The following OSBPL3 variants were observed in gnomAD, a reference collection of about 807,000 sequenced individuals.
OSBPL3 encodes the protein oxysterol binding protein like 3.
OSBPL3 carries 65 observed loss-of-function variants against 120.1 expected under a neutral mutation model. That is an observed-to-expected ratio of 0.54 (90% CI 0.44 to 0.67). The LOEUF (loss-of-function observed/expected upper bound fraction) is 0.67. Ranked by LOEUF, OSBPL3 falls within the 30% of genes least tolerant of loss-of-function variation. The probability of loss-of-function intolerance (pLI) is 0.00; values close to 1 mark genes in which losing one functional copy is unlikely to be tolerated. For missense variants in OSBPL3, 1,004 were observed against 1,082.1 expected, an observed-to-expected ratio of 0.93 and a Z score of 1.01; for synonymous variants, 416 against 402.6, an observed-to-expected ratio of 1.03 and a Z score of -0.40.
Position 24,806,835 on chromosome 7 carries a change from C to A in OSBPL3, c.2385G>T (p.Met795Ile). The change falls in exon 21 of 23, where the codon ATG becomes ATT. Residue 795 changes from methionine (M) to isoleucine (I), a missense_variant. Physicochemically the swap from Met to Ile is conservative, Grantham distance 10. Transcript: ENST00000313367. This position sits in a 1 kb window ranked among gnomAD's most constrained non-coding sequence, Gnocchi z 5.2. ...GCAATAAAGACTTTGATGATGGATC[C>A]ATTTCATTTAATTCCAGCGCAAACT... ...FTQFALELNE[M>I]DPSSKSLLPP... 1 of 1,613,634 alleles carries A rather than the reference C, an allele frequency of 6.2e-7. No individual in the cohort carries two copies.
At chr7:24,961,619 C>A (rs990488657) in intron 1 of OSBPL3, among the ~76,000 whole-genome samples, 1 of 152,130 alleles carries the variant, frequency 6.6e-6, no homozygotes, top group African/African-American at 2.4e-5. Context: ...CAGGCCCTCA[C>A]CAGACACCAG....
chr7:24,957,990 A>C (rs1296252500), intron 1 of OSBPL3, among the ~76,000 whole-genome samples: 3 of 152,152 alleles, frequency 2.0e-5, no homozygotes, highest in Non-Finnish European at 4.4e-5. Flanking sequence ...TATATAAGCC[A>C]TTATTTACTT....
chr7:24,832,902 T>A (rs1007567904), intron 15 of OSBPL3, among the ~76,000 whole-genome samples: 3 of 152,206 alleles, frequency 2.0e-5, no homozygotes, highest in African/African-American at 7.2e-5. Context: ...ATGTTGGGGA[T>A]GAGAAGCCTC....
In OSBPL3 at chr7:24,883,067, A is replaced by G. The variant is rs1214525176; in HGVS notation, c.96+9310T>C. 2.0e-5 allele frequency among the ~76,000 whole-genome samples: 3 copies of G among 152,098 alleles called. No homozygotes were observed. Among genetic ancestry groups the G allele is most frequent in the Non-Finnish European group, 4.4e-5 (3 of 68,006 alleles). ...TCCTTTTGCTGTGCAGAAACTTTTT[A>G]GTTTAATTAAGTAGGAAGTGAACAT... is the stretch of plus-strand genomic sequence containing the variant. On this transcript the variant is annotated intron_variant, in intron 2 of 22. Transcript: ENST00000313367. The surrounding 1 kb of genome is among the most constrained non-coding windows in gnomAD (Gnocchi z 5.4).
chr7:24,919,809 T>TA (rs1342687240), intron 1 of OSBPL3, among the ~76,000 whole-genome samples: 1 of 148,596 alleles, frequency 6.7e-6, no homozygotes, highest in Admixed American at 6.7e-5. Flanking sequence ...AACTCAATAA[T>TA]AAAAAAACAA....
intron 1 of OSBPL3, among the ~76,000 whole-genome samples, chr7:24,928,666 T>C (rs1343697263): frequency 2.0e-5 from 3 of 152,200 alleles, no homozygotes; most frequent in African/African-American, 4.8e-5. Flanking sequence ...AGCTCCCTCA[T>C]GCCCTTTTGC....
intron 17 of OSBPL3, 44 bp from the exon 18 acceptor site, chr7:24,816,732 G>A: frequency 7.9e-7 from 1 of 1,267,832 alleles, no homozygotes; most frequent in Non-Finnish European, 1.2e-6. Flanking sequence ...AGGAGAGGTA[G>A]GTAGATGAAA....
intron 1 of OSBPL3, among the ~76,000 whole-genome samples, chr7:24,948,434 T>C (rs1051239428): frequency 1.3e-5 from 2 of 152,142 alleles, no homozygotes; most frequent in Admixed American, 6.5e-5. Context: ...AGCTCACAGC[T>C]GGAATGGGTT....
rs1438927433 is a variant in OSBPL3 at position 24,965,727 on chromosome 7, T to C, written c.-150+14159A>G. On this transcript the variant is annotated intron_variant, in intron 1 of 22. Coordinates refer to ENST00000313367, the MANE Select transcript of OSBPL3 (RefSeq NM_015550.4). This position sits in a 1 kb window ranked among gnomAD's most constrained non-coding sequence, Gnocchi z 4.3. ...TTTTATTAAATAATTAATTTGTTTGTTTTTGTGGAGACTGAGTCTCAGTAT... is the reference window on the plus strand; with the variant it reads ...TTTTATTAAATAATTAATTTGTTTGCTTTTGTGGAGACTGAGTCTCAGTAT... 6.6e-6 allele frequency among the ~76,000 whole-genome samples: 1 copy of C among 152,178 alleles called. No homozygotes were observed. Among genetic ancestry groups the C allele is most frequent in the Non-Finnish European group, 1.5e-5 (1 of 68,042 alleles).
At chr7:24,970,941 C>G (rs1816942758) in intron 1 of OSBPL3, among the ~76,000 whole-genome samples, 1 of 152,210 alleles carries the variant, frequency 6.6e-6, no homozygotes, top group African/African-American at 2.4e-5. Context: ...CAGACCGTTC[C>G]TCAAACCTCA....
chr7:24,822,017 G>A lies in OSBPL3; in HGVS notation c.1885-1779C>T, dbSNP rs1035549724. On this transcript the variant is annotated intron_variant, in intron 16 of 22. Coordinates refer to ENST00000313367, the MANE Select transcript of OSBPL3 (RefSeq NM_015550.4). The surrounding 1 kb of genome is among the most constrained non-coding windows in gnomAD (Gnocchi z 5.8). Reference sequence around the variant, plus strand: ...GCCTCTCAAGTTGCTGGGACTAAAGGTGTGTGCCACCACGCCCGGCTAATT... The same window carrying A: ...GCCTCTCAAGTTGCTGGGACTAAAGATGTGTGCCACCACGCCCGGCTAATT... Among the ~76,000 whole-genome samples the A allele has an allele frequency of 2.0e-5, 3 of 152,116 alleles. No individual in the cohort carries two copies. Among genetic ancestry groups the A allele is most frequent in the African/African-American group, 7.2e-5 (3 of 41,422 alleles).
At chr7:24,801,955 G>A (rs1420781006) in intron 22 of OSBPL3, among the ~76,000 whole-genome samples, 1 of 152,182 alleles carries the variant, frequency 6.6e-6, no homozygotes, top group African/African-American at 2.4e-5. Flanking sequence ...AGCTCGGCAT[G>A]TTATTTTGTA....
Position 24,922,182 on chromosome 7 carries a change from AT to A in OSBPL3, c.-149-29562del, listed in dbSNP as rs1468399440. On this transcript the variant is annotated intron_variant, in intron 1 of 22. Transcript: ENST00000313367. The surrounding 1 kb of genome is among the most constrained non-coding windows in gnomAD (Gnocchi z 4.3). Reference sequence around the variant, plus strand: ...TTGGCCTGGCCTCAGAAAAGACATTATTTAGGTGAGAAACAGAAAATAGAAG... The same window carrying A: ...TTGGCCTGGCCTCAGAAAAGACATTATTAGGTGAGAAACAGAAAATAGAAG... Among the ~76,000 whole-genome samples, 1 of 152,218 alleles carries A rather than the reference AT, an allele frequency of 6.6e-6. No individual in the cohort carries two copies. The highest frequency in any genetic ancestry group is 1.5e-5 in the Non-Finnish European group (1 of 68,038).
At chr7:24,816,168 G>A (rs1283066145) in intron 18 of OSBPL3, among the ~76,000 whole-genome samples, 2 of 152,110 alleles carry the variant, frequency 1.3e-5, no homozygotes, top group East Asian at 3.9e-4. Context: ...GGGACTACAG[G>A]TGCGTGCCAC....
In OSBPL3 at chr7:24,808,479, C is replaced by G. The variant is rs1364740320; in HGVS notation, c.2317+1328G>C. On this transcript the variant is annotated intron_variant, in intron 20 of 22. Transcript: ENST00000313367. This position sits in a 1 kb window ranked among gnomAD's most constrained non-coding sequence, Gnocchi z 4.6. ...ACTGAGACAGGATCGCAGTTCTCAT[C>G]TGTGATGCATACTTTAAGCAAAGGA... is the stretch of plus-strand genomic sequence containing the variant. Among the ~76,000 whole-genome samples, 3 of 152,200 alleles carry G rather than the reference C, an allele frequency of 2.0e-5. No individual in the cohort carries two copies. The highest frequency in any genetic ancestry group is 4.4e-5 in the Non-Finnish European group (3 of 68,030).
At position 24,956,957 on chromosome 7, in the gene OSBPL3, T is replaced by C. The variant is rs150473331; in HGVS notation, c.-150+22929A>G. On this transcript the variant is annotated intron_variant, in intron 1 of 22. Coordinates refer to ENST00000313367, the MANE Select transcript of OSBPL3 (RefSeq NM_015550.4). ...TTCCATCAATTAAAGTGGTAAGATT[T>C]TGGGCACATCCCTTTACAAGCATGA... Among the ~76,000 whole-genome samples, 31 of 152,340 alleles carry C rather than the reference T, an allele frequency of 2.0e-4. No individual in the cohort carries two copies. The East Asian group carries it at 5.8e-3, about 28-fold the overall frequency.
In OSBPL3 at chr7:24,965,846, G is replaced by A. The variant is rs927146365; in HGVS notation, c.-150+14040C>T. ...GATTACAGGCATTAGCCACTGCGAC[G>A]GACTCAACTCAAGTGTTTTACCAGT... On this transcript the variant is annotated intron_variant, in intron 1 of 22. Transcript: ENST00000313367. The surrounding 1 kb of genome is among the most constrained non-coding windows in gnomAD (Gnocchi z 4.3). 3.3e-5 allele frequency among the ~76,000 whole-genome samples: 5 copies of A among 152,088 alleles called. No homozygotes were observed. Among genetic ancestry groups the A allele is most frequent in the Non-Finnish European group, 5.9e-5 (4 of 68,018 alleles).
chr7:24,847,253 C>T (rs180686170), intron 12 of OSBPL3, among the ~76,000 whole-genome samples: 341 of 152,218 alleles, frequency 2.2e-3, no homozygotes, highest in African/African-American at 7.7e-3. Flanking sequence ...AGGCCATTTT[C>T]ACTTACTTTC....
At chr7:24,868,503 C>T (rs919354731) in intron 5 of OSBPL3, among the ~76,000 whole-genome samples, 1 of 151,752 alleles carries the variant, frequency 6.6e-6, no homozygotes, top group African/African-American at 2.4e-5. Flanking sequence ...AGTAGGTTAA[C>T]TTCCAAGATG....
Sources: gnomAD v4.1 joint callset for allele counts (sites outside exome capture counted in the v4.1 genomes callset) on GRCh38, gnomAD v4.1.1 for gene constraint, Gnocchi (gnomAD v3.1) non-coding constraint, MANE v1.5 for transcripts, NCBI Gene and HGNC (gene_info 2026-07-23, HGNC 2026-07-21) for gene names.